The following RBM6 variants were observed in gnomAD, a reference collection of about 807,000 sequenced individuals.
RBM6 encodes RNA-binding protein 6.
A neutral mutation model predicts 140.4 loss-of-function variants in RBM6; 23 were observed. That is an observed-to-expected ratio of 0.16 (90% CI 0.12 to 0.23). RBM6 has a LOEUF of 0.23. Ranked by LOEUF, RBM6 falls within the 10% of genes least tolerant of loss-of-function variation. The pLI is 1.00. For synonymous variants in RBM6, 439 were observed against 475.6 expected (o/e 0.92, Z 1.00); for missense variants, 1,139 against 1,386.7 (o/e 0.82, Z 2.84).
chr3:49,951,972 C>T (rs563371591), intron 1 of RBM6, among the ~76,000 whole-genome samples: 10 of 151,964 alleles, frequency 6.6e-5, no homozygotes, highest in African/African-American at 2.2e-4. Flanking sequence ...CCACCTGCCT[C>T]GGCCTCCCAA....
rs974483931 is a variant in RBM6, at chr3:50,008,825, A to G, written c.1557+9312A>G. On this transcript the variant is annotated intron_variant, in intron 6 of 20. Coordinates refer to ENST00000266022, the MANE Select transcript of RBM6 (RefSeq NM_005777.3). The stretch of plus-strand genomic sequence containing the variant: ...CTTGGCCTTTCAAAGTGTTGGGATT[A>G]TAGGCGTGAGCCACCGTGCCTGGCC... Among the ~76,000 whole-genome samples, 4 of 152,308 alleles carry G rather than the reference A, an allele frequency of 2.6e-5. No homozygotes were observed. The South Asian group carries it at 8.3e-4, about 32-fold the overall frequency.
intron 16 of RBM6, chr3:50,065,681 T>C (rs771982318): frequency 8.8e-6 from 4 of 455,628 alleles, no homozygotes; most frequent in South Asian, 3.1e-5. Flanking sequence ...TGAGTGATCA[T>C]AGACCAATGA....
Position 49,962,576 on chromosome 3 carries a change from G to C in RBM6, c.-66G>C. ...AATTTTTGTGGTTTATTTTGTACAG[G>C]TACTGCTATAACCAGAATTTGGTAG... On this transcript the variant is annotated splice_region_variant and 5_prime_UTR_variant, in exon 2 of 21. Coordinates refer to ENST00000266022, the MANE Select transcript of RBM6 (RefSeq NM_005777.3). 1 of 1,403,666 alleles carries C rather than the reference G, an allele frequency of 7.1e-7. No homozygotes were observed. Among genetic ancestry groups the C allele is most frequent in the Non-Finnish European group, 9.8e-7 (1 of 1,018,298 alleles). 87.0% of individuals were successfully genotyped at this position (1,403,666 alleles called of 1,614,324 possible). A position where few individuals can be genotyped will look rare whatever the true frequency, so the allele number is the denominator to read the frequency against.
chr3:49,984,169 T>G (rs892020948), intron 5 of RBM6, among the ~76,000 whole-genome samples: 89 of 152,194 alleles, frequency 5.8e-4, no homozygotes, highest in African/African-American at 1.9e-3. Context: ...TGGTGGTGCA[T>G]GCTTGTAGTC....
chr3:50,044,918 GA>G (rs2089144597), intron 6 of RBM6, among the ~76,000 whole-genome samples: 1 of 152,206 alleles, frequency 6.6e-6, no homozygotes, highest in Admixed American at 6.5e-5. Flanking sequence ...TTTTAAGAGA[GA>G]AAAAGAAACA....
Position 50,077,161 on chromosome 3 carries a change from A to G in RBM6, c.*28A>G. On this transcript the variant is annotated 3_prime_UTR_variant, in exon 21 of 21. Transcript: ENST00000266022. ...AAGGAGACAAGTTCCATGGGATACA[A>G]CCTCCCTCTTGTTTTGTTTGTCTCT... 11 of 1,582,632 alleles carry G rather than the reference A, an allele frequency of 7.0e-6. No individual in the cohort carries two copies. The highest frequency in any genetic ancestry group is 9.4e-6 in the Non-Finnish European group (11 of 1,165,458).
chr3:50,034,090 CTTTTTT>C (rs68118556), intron 6 of RBM6, among the ~76,000 whole-genome samples: 12 of 116,216 alleles, frequency 1.0e-4, no homozygotes, highest in Admixed American at 8.3e-4. Context: ...TCTATACTTC[CTTTTTT>C]TTTTTTTTTT....
At position 49,954,980 on chromosome 3, in the gene RBM6, C is replaced by T. The variant is rs190607189; in HGVS notation, c.-66-7596C>T. On this transcript the variant is annotated intron_variant, in intron 1 of 20. Coordinates refer to ENST00000266022, the MANE Select transcript of RBM6 (RefSeq NM_005777.3). ...TTCACTGTGTTAGCCAGGATGGCCT[C>T]GATCTCCTGACCTCGTGATCCGCCT... Among the ~76,000 whole-genome samples the T allele has an allele frequency of 4.7e-3, 713 of 151,794 alleles. 9 individuals are homozygous for T. Among genetic ancestry groups the T allele is most frequent in the African/African-American group, 0.016 (650 of 41,430 alleles).
intron 1 of RBM6, among the ~76,000 whole-genome samples, chr3:49,945,533 C>T (rs1249355166): frequency 6.6e-6 from 1 of 151,872 alleles, no homozygotes; most frequent in Non-Finnish European, 1.5e-5. Flanking sequence ...GCCCTAAGCC[C>T]CAGTGTGACT....
intron 7 of RBM6, among the ~76,000 whole-genome samples, chr3:50,050,626 A>G (rs932653529): frequency 1.3e-5 from 2 of 152,130 alleles, no homozygotes; most frequent in Non-Finnish European, 2.9e-5. Context: ...ATCAAACTGT[A>G]TTTCTTTTAT....
chr3:50,076,712 CCT>C (rs1189375558), intron 20 of RBM6, among the ~76,000 whole-genome samples: 5 of 152,008 alleles, frequency 3.3e-5, no homozygotes, highest in African/African-American at 4.8e-5. Context: ...ATGGCGAAAC[CCT>C]GTCTCTACTA....
intron 5 of RBM6, among the ~76,000 whole-genome samples, chr3:49,984,914 A>G (rs907087955): frequency 2.0e-4 from 31 of 152,180 alleles, no homozygotes; most frequent in African/African-American, 7.0e-4. Flanking sequence ...TTTTCCTGAA[A>G]ACCATTTAGC....
intron 2 of RBM6, among the ~76,000 whole-genome samples, chr3:49,965,395 C>T (rs1304882157): frequency 2.0e-5 from 3 of 152,166 alleles, no homozygotes; most frequent in Non-Finnish European, 4.4e-5. Context: ...CTAGGGCGGG[C>T]GTGGCGGCTC....
At chr3:50,024,267 C>T (rs889047774) in intron 6 of RBM6, among the ~76,000 whole-genome samples, 1 of 152,100 alleles carries the variant, frequency 6.6e-6, no homozygotes, top group Admixed American at 6.5e-5. Context: ...ATTTCCCCTC[C>T]CTTTTATTGA....
chr3:49,967,602 G>A lies in RBM6; in HGVS notation c.177G>A (p.Gly59=). 2.5e-6 allele frequency: 4 copies of A among 1,614,132 alleles called. No homozygotes were observed. Among genetic ancestry groups the A allele is most frequent in the Non-Finnish European group, 3.4e-6 (4 of 1,180,034 alleles). The part of the protein sequence containing the change: ...GRDSLPFDFQ[G]HSGPPFANVE... The stretch of plus-strand genomic sequence containing the variant: ...ATTCACTTCCCTTTGATTTCCAGGG[G>A]CATTCGGGGCCTCCTTTTGCAAATG... Residue 59 remains glycine (G), a synonymous_variant, in exon 3 of 21, where the codon GGG becomes GGA. Transcript: ENST00000266022. The surrounding 1 kb of genome is among the most constrained non-coding windows in gnomAD (Gnocchi z 4.0).
At chr3:50,002,443 G>A (rs1340429746) in intron 6 of RBM6, among the ~76,000 whole-genome samples, 1 of 152,014 alleles carries the variant, frequency 6.6e-6, no homozygotes, top group Non-Finnish European at 1.5e-5. Flanking sequence ...TGTATTTTTA[G>A]TAGAGATGGG....
At chr3:49,941,193 C>T (rs1408702461) in intron 1 of RBM6, 1 of 152,032 alleles carries the variant, frequency 6.6e-6, no homozygotes, top group African/African-American at 2.4e-5. Context: ...AGAGCTGGTG[C>T]GTGATGGTAG....
rs1472326093 is a variant in RBM6, at chr3:49,968,581, AAAG to A, written c.1163_1165del (p.Glu388del). 1.2e-6 allele frequency: 2 copies of A among 1,614,030 alleles called. No homozygotes were observed. The highest frequency in any genetic ancestry group is 1.7e-6 in the Non-Finnish European group (2 of 1,180,042). ...GCAGAGTTCAGATGCTGGTCTGTTTAAAGAAGAAGGCGGTCTGGACTTTCTTGG... is the reference window on the plus strand; with the variant it reads ...GCAGAGTTCAGATGCTGGTCTGTTTAAAGAAGGCGGTCTGGACTTTCTTGG... On this transcript the variant is annotated inframe_deletion, in exon 3 of 21. Coordinates refer to ENST00000266022, the MANE Select transcript of RBM6 (RefSeq NM_005777.3).
At chr3:50,028,089 T>G (rs1441263101) in intron 6 of RBM6, among the ~76,000 whole-genome samples, 2 of 152,116 alleles carry the variant, frequency 1.3e-5, no homozygotes, top group African/African-American at 4.8e-5. Context: ...ACTAGATGTT[T>G]TGAGGCACTT....
Sources: allele counts gnomAD v4.1 joint callset (sites outside exome capture counted in the v4.1 genomes callset), GRCh38; gene constraint gnomAD v4.1.1; non-coding constraint Gnocchi (gnomAD v3.1); transcripts MANE v1.5; gene names NCBI Gene and HGNC (gene_info 2026-07-23, HGNC 2026-07-21).